The following EYA1 variants were observed in gnomAD, a reference collection of about 807,000 sequenced individuals.
EYA1 encodes EYA transcriptional coactivator and phosphatase 1.
A neutral mutation model predicts 82.0 loss-of-function variants in EYA1; 16 were observed. That is an observed-to-expected ratio of 0.20 (90% CI 0.13 to 0.30). The LOEUF (loss-of-function observed/expected upper bound fraction) is 0.30. EYA1 is among the 10% of genes least tolerant of loss of function. EYA1 has a pLI of 1.00. For missense variants in EYA1, 633 were observed against 730.7 expected, an observed-to-expected ratio of 0.87 and a Z score of 1.54; for synonymous variants, 261 against 264.4, an observed-to-expected ratio of 0.99 and a Z score of 0.12.
rs946636542 is a variant in EYA1, at chr8:71,303,637, C to T, written c.557-3917G>A. On this transcript the variant is annotated intron_variant, in intron 7 of 17. Coordinates refer to ENST00000340726, the MANE Select transcript of EYA1 (RefSeq NM_000503.6). ...CCTTCACATAGGACTTAGGGTCTGA[C>T]CAAGTAAATCACAATTCAGTACTCC... 1.1e-4 allele frequency among the ~76,000 whole-genome samples: 15 copies of T among 141,636 alleles called. 1 individual carries two copies. Among genetic ancestry groups the T allele is most frequent in the African/African-American group, 3.7e-4 (15 of 40,100 alleles). The allele number at this position is 141,636 out of a possible 152,430, so 92.9% of individuals were successfully genotyped here.
At chr8:71,507,048 A>G (rs947083023) in intron 2 of EYA1, among the ~76,000 whole-genome samples, 13 of 152,130 alleles carry the variant, frequency 8.5e-5, no homozygotes, top group Non-Finnish European at 8.8e-5. Context: ...AAACATATAA[A>G]CTCTATATCA....
chr8:71,199,468 G>A (rs1232388302), intron 17 of EYA1, 48 bp from the exon 18 acceptor site: 2 of 1,409,682 alleles, frequency 1.4e-6, no homozygotes, highest in East Asian at 4.7e-5. Context: ...CCCAGCGCCA[G>A]CCCTGCCAGC....
At chr8:71,546,561 C>A (rs1012771585) in intron 1 of EYA1, among the ~76,000 whole-genome samples, 1 of 148,924 alleles carries the variant, frequency 6.7e-6, no homozygotes, top group African/African-American at 2.5e-5. Context: ...ACTGCAGTGG[C>A]GCAATCTCGG....
chr8:71,522,915 C>T (rs1813510223), intron 2 of EYA1, among the ~76,000 whole-genome samples: 1 of 152,046 alleles, frequency 6.6e-6, no homozygotes, highest in South Asian at 2.1e-4. Context: ...TGACCTCAAG[C>T]GTTTTGGCAA....
chr8:71,456,637 G>GA lies in EYA1; in HGVS notation c.33+79106dup, dbSNP rs773249054. On this transcript the variant is annotated intron_variant, in intron 2 of 18. Coordinates refer to the EYA1 transcript ENST00000643681. ...CAACCATGTGATCTTTGACAAACCT[G>GA]AAAAAAAAACAAGAAATGGGGAAAG... is the stretch of plus-strand genomic sequence containing the variant. Among the ~76,000 whole-genome samples, 657 of 148,548 alleles carry GA rather than the reference G, an allele frequency of 4.4e-3. 2 individuals are homozygous for GA. Among genetic ancestry groups the GA allele is most frequent in the Non-Finnish European group, 7.7e-3 (519 of 66,986 alleles).
At chr8:71,493,497 C>T (rs2129227382) in intron 2 of EYA1, among the ~76,000 whole-genome samples, 1 of 152,278 alleles carries the variant, frequency 6.6e-6, no homozygotes, top group East Asian at 1.9e-4. Context: ...AAAGAAGCAA[C>T]TTCCTTACTA....
At chr8:71,495,660 G>A (rs1351691848) in intron 2 of EYA1, among the ~76,000 whole-genome samples, 1 of 152,022 alleles carries the variant, frequency 6.6e-6, no homozygotes, top group African/African-American at 2.4e-5. Flanking sequence ...AGCAATGATT[G>A]GAACTACTTA....
intron 2 of EYA1, among the ~76,000 whole-genome samples, chr8:71,486,518 T>C (rs1810582324): frequency 1.3e-5 from 2 of 152,282 alleles, no homozygotes; most frequent in African/African-American, 2.4e-5. Context: ...GGAGAAGCAG[T>C]GGCATATCTA....
intron 10 of EYA1, 141 bp from the exon 11 acceptor site, chr8:71,269,964 G>C (rs947121136): frequency 6.8e-5 from 48 of 703,292 alleles, no homozygotes; most frequent in Non-Finnish European, 1.1e-4. Flanking sequence ...AAACACAACT[G>C]TTTCAAAGAG....
intron 9 of EYA1, among the ~76,000 whole-genome samples, chr8:71,297,226 A>G (rs570695623): frequency 1.3e-5 from 2 of 152,208 alleles, no homozygotes; most frequent in South Asian, 4.2e-4. Flanking sequence ...TGAAATTAGA[A>G]TTTTTCATTG....
At chr8:71,416,390 C>T (rs1181895561) in intron 2 of EYA1, among the ~76,000 whole-genome samples, 1 of 152,180 alleles carries the variant, frequency 6.6e-6, no homozygotes. Context: ...GCAGTTGTGC[C>T]ATCTGGGTGG....
chr8:71,518,027 C>T (rs952806059), intron 2 of EYA1, among the ~76,000 whole-genome samples: 18 of 151,790 alleles, frequency 1.2e-4, no homozygotes, highest in African/African-American at 7.3e-5. Flanking sequence ...GCTTTACTAA[C>T]ATATTACATA....
chr8:71,493,839 C>T (rs889599949), intron 2 of EYA1, among the ~76,000 whole-genome samples: 4 of 148,766 alleles, frequency 2.7e-5, no homozygotes, highest in Non-Finnish European at 3.0e-5. Flanking sequence ...CCGGCTAAAA[C>T]GGTGAAACCC....
At chr8:71,471,229 T>C (rs563673312) in intron 2 of EYA1, among the ~76,000 whole-genome samples, 130 of 152,090 alleles carry the variant, frequency 8.5e-4, no homozygotes, top group Middle Eastern at 3.4e-3. Flanking sequence ...CTAGATAATA[T>C]GAACACAAAT....
chr8:71,279,609 A>G (rs1817590301), intron 9 of EYA1, among the ~76,000 whole-genome samples: 1 of 152,210 alleles, frequency 6.6e-6, no homozygotes, highest in South Asian at 2.1e-4. Flanking sequence ...AACACTGGTG[A>G]AGCTGAGTTG....
chr8:71,464,630 TATC>T (rs1808644321), intron 2 of EYA1, among the ~76,000 whole-genome samples: 1 of 152,232 alleles, frequency 6.6e-6, no homozygotes, highest in Non-Finnish European at 1.5e-5. Flanking sequence ...AACAATTCTT[TATC>T]ATCAAAATTT....
chr8:71,318,692 T>C (rs1257200392), intron 6 of EYA1, among the ~76,000 whole-genome samples: 1 of 152,224 alleles, frequency 6.6e-6, no homozygotes, highest in Non-Finnish European at 1.5e-5. Context: ...GTACTTAAGA[T>C]AAATGATATC....
At chr8:71,438,394 A>C (rs1320596068) in intron 2 of EYA1, among the ~76,000 whole-genome samples, 1 of 151,694 alleles carries the variant, frequency 6.6e-6, no homozygotes, top group Non-Finnish European at 1.5e-5. Flanking sequence ...CTAGATAAAT[A>C]ATGAAGTAAA....
At chr8:71,371,015 T>C (rs1220506092) in intron 2 of EYA1, among the ~76,000 whole-genome samples, 1 of 152,142 alleles carries the variant, frequency 6.6e-6, no homozygotes, top group Non-Finnish European at 1.5e-5. Flanking sequence ...AATCCTAAGT[T>C]GGCAGTAAGG....
Sources: allele counts gnomAD v4.1 joint callset (sites outside exome capture counted in the v4.1 genomes callset), GRCh38; gene constraint gnomAD v4.1.1; transcripts MANE v1.5; gene names NCBI Gene and HGNC (gene_info 2026-07-23, HGNC 2026-07-21).